Variants in DNAAF1 observed in about 807,000 individuals in gnomAD.
DNAAF1 encodes dynein axonemal assembly factor 1, also known as dynein assembly factor 1, axonemal.
In DNAAF1, 65 loss-of-function variants were observed where a neutral mutation model predicts 71.1. That is an observed-to-expected ratio of 0.91 (90% CI 0.75 to 1.12). DNAAF1 has a LOEUF of 1.12. Ranked by LOEUF, DNAAF1 falls within the 50% of genes most tolerant of loss-of-function variation. The probability of loss-of-function intolerance (pLI) is 0.00; values close to 1 mark genes in which losing one functional copy is unlikely to be tolerated. For missense variants in DNAAF1, 1,178 were observed against 899.8 expected (o/e 1.31, Z -3.96); for synonymous variants, 414 against 354.6 (o/e 1.17, Z -1.88).
At chr16:84,149,841 A>G (rs2087100775) in intron 2 of DNAAF1, among the ~76,000 whole-genome samples, 1 of 151,150 alleles carries the variant, frequency 6.6e-6, no homozygotes, top group African/African-American at 2.4e-5. Flanking sequence ...CCTGACCAAC[A>G]TGGTGAAACC....
At chr16:84,164,646 G>A (rs1442218436) in intron 6 of DNAAF1, among the ~76,000 whole-genome samples, 2 of 152,172 alleles carry the variant, frequency 1.3e-5, no homozygotes, top group African/African-American at 4.8e-5. Flanking sequence ...GTGTGCCAGA[G>A]TTTGTTTATC....
At chr16:84,159,909 C>T in intron 6 of DNAAF1, 113 bp downstream of exon 6, 3 of 1,312,268 alleles carry the variant, frequency 2.3e-6, no homozygotes, top group Non-Finnish European at 3.2e-6. Flanking sequence ...CAAAAATGTT[C>T]TTTGGAAATA....
intron 6 of DNAAF1, among the ~76,000 whole-genome samples, chr16:84,160,827 CG>C: frequency 6.9e-6 from 1 of 144,534 alleles, no homozygotes; most frequent in African/African-American, 2.7e-5. Context: ...CCCAGCTACT[CG>C]AGTGGAGGCT....
intron 1 of DNAAF1, 40 bp downstream of exon 1, chr16:84,145,604 A>G: frequency 6.5e-7 from 1 of 1,539,074 alleles, no homozygotes; most frequent in South Asian, 1.2e-5. Context: ...GGCGAGGGGC[A>G]GACACGGCTA....
intron 1 of DNAAF1, among the ~76,000 whole-genome samples, chr16:84,147,815 C>G (rs2086983878): frequency 6.6e-6 from 1 of 151,964 alleles, no homozygotes; most frequent in South Asian, 2.1e-4. Flanking sequence ...CCTGTAATCC[C>G]AGCACTTTGG....
At chr16:84,147,800 T>C (rs905685972) in intron 1 of DNAAF1, among the ~76,000 whole-genome samples, 1 of 151,898 alleles carries the variant, frequency 6.6e-6, no homozygotes, top group Non-Finnish European at 1.5e-5. Flanking sequence ...GCACGGTGGC[T>C]CACGCCTGTA....
At chr16:84,146,182 C>T (rs1242637597) in intron 1 of DNAAF1, among the ~76,000 whole-genome samples, 2 of 152,174 alleles carry the variant, frequency 1.3e-5, no homozygotes, top group Non-Finnish European at 2.9e-5. Flanking sequence ...AGCCCTAACC[C>T]ACCACGCTAT....
chr16:84,157,566 G>T lies in DNAAF1; in HGVS notation c.741+1817G>T, dbSNP rs1488046357. On this transcript the variant is annotated intron_variant, in intron 5 of 11. Transcript: ENST00000378553. ...TTTGGGCTTGAGAACCCGTCAGGTTGCTTCCTATGTCCTTTTGAGTCCTCG... is the reference window on the plus strand; with the variant it reads ...TTTGGGCTTGAGAACCCGTCAGGTTTCTTCCTATGTCCTTTTGAGTCCTCG... Among the ~76,000 whole-genome samples the T allele has an allele frequency of 4.6e-5, 7 of 151,600 alleles. No individual in the cohort carries two copies. The East Asian group carries it at 1.4e-3, about 29-fold the overall frequency.
intron 3 of DNAAF1, among the ~76,000 whole-genome samples, chr16:84,153,618 G>A (rs1465988852): frequency 1.3e-5 from 2 of 152,070 alleles, no homozygotes; most frequent in Non-Finnish European, 2.9e-5. Context: ...ATTGATATTA[G>A]AATTTTTTAA....
In DNAAF1 at chr16:84,164,034, G is replaced by A. The variant is rs559964695; in HGVS notation, c.864-1749G>A. On this transcript the variant is annotated intron_variant, in intron 6 of 11. Coordinates refer to ENST00000378553, the MANE Select transcript of DNAAF1 (RefSeq NM_178452.6). Reference sequence around the variant, plus strand: ...TGCCCAGGCTGGTCTGGAACTCCTGGGCTCAAGCCATCTGCCCATCTTGGC... The same window carrying A: ...TGCCCAGGCTGGTCTGGAACTCCTGAGCTCAAGCCATCTGCCCATCTTGGC... Among the ~76,000 whole-genome samples, 3 of 152,048 alleles carry A rather than the reference G, an allele frequency of 2.0e-5. No individual in the cohort carries two copies. The South Asian group carries it at 6.2e-4, about 32-fold the overall frequency.
At chr16:84,152,206 C>G (rs1454370835) in intron 3 of DNAAF1, among the ~76,000 whole-genome samples, 1 of 152,134 alleles carries the variant, frequency 6.6e-6, no homozygotes, top group African/African-American at 2.4e-5. Flanking sequence ...ATGGCTTGAA[C>G]AGCAAAGGGG....
chr16:84,172,476 G>A (rs2088415635), intron 9 of DNAAF1, 101 bp downstream of exon 9: 1 of 1,540,150 alleles, frequency 6.5e-7, no homozygotes. Flanking sequence ...CCCAAGTGTG[G>A]TCCTTGGGCC....
At chr16:84,173,587 A>G (rs959454538) in intron 9 of DNAAF1, 1 of 969,894 alleles carries the variant, frequency 1.0e-6, no homozygotes, top group African/African-American at 1.8e-5. Flanking sequence ...TAATCCCAGC[A>G]CTTTGGGAGG....
intron 6 of DNAAF1, among the ~76,000 whole-genome samples, chr16:84,162,592 G>C (rs530075480): frequency 6.6e-6 from 1 of 151,846 alleles, no homozygotes; most frequent in African/African-American, 2.4e-5. Context: ...AGGCGGGGGC[G>C]GGCAGATCAC....
chr16:84,166,250 G>A (rs2087983348), intron 7 of DNAAF1, among the ~76,000 whole-genome samples: 2 of 151,706 alleles, frequency 1.3e-5, no homozygotes, highest in South Asian at 2.1e-4. Context: ...ATGGGATTTC[G>A]CCATGTTGTC....
intron 3 of DNAAF1, among the ~76,000 whole-genome samples, chr16:84,151,292 G>C (rs1475914096): frequency 6.6e-6 from 1 of 152,170 alleles, no homozygotes; most frequent in Non-Finnish European, 1.5e-5. Context: ...TTGGTGTCCT[G>C]GGGGATGGGA....
intron 6 of DNAAF1, among the ~76,000 whole-genome samples, chr16:84,164,621 T>C (rs992003797): frequency 6.6e-6 from 1 of 152,250 alleles, no homozygotes; most frequent in Non-Finnish European, 1.5e-5. Context: ...TGCTGAGTGA[T>C]ATTCCTCCGT....
intron 5 of DNAAF1, among the ~76,000 whole-genome samples, chr16:84,156,438 T>G (rs2087429953): frequency 6.6e-6 from 1 of 152,242 alleles, no homozygotes; most frequent in Admixed American, 6.5e-5. Context: ...ATATTTCACC[T>G]TGAGGTGTGT....
chr16:84,165,694 T>C, intron 6 of DNAAF1, 89 bp from the exon 7 acceptor site: 1 of 1,318,884 alleles, frequency 7.6e-7, no homozygotes, highest in Non-Finnish European at 1.1e-6. Flanking sequence ...CTCACTTTGC[T>C]TTGATTTTGA....
Sources: gnomAD v4.1 joint callset for allele counts (sites outside exome capture counted in the v4.1 genomes callset) on GRCh38, gnomAD v4.1.1 for gene constraint, MANE v1.5 for transcripts, NCBI Gene and HGNC (gene_info 2026-07-23, HGNC 2026-07-21) for gene names.